The following MYO1E variants were observed in gnomAD, a reference collection of about 807,000 sequenced individuals.
MYO1E encodes the protein unconventional myosin-Ie.
In MYO1E, 68 loss-of-function variants were observed where a neutral mutation model predicts 151.1. The observed-to-expected ratio is 0.45, with a 90% CI of 0.37 to 0.55. The LOEUF (loss-of-function observed/expected upper bound fraction) is 0.55. MYO1E is among the 20% of genes least tolerant of loss of function. The probability of loss-of-function intolerance (pLI) is 0.00; values close to 1 mark genes in which losing one functional copy is unlikely to be tolerated. For synonymous variants in MYO1E, 601 were observed against 501.7 expected, an observed-to-expected ratio of 1.20 and a Z score of -2.64; for missense variants, 1,363 against 1,389.3, an observed-to-expected ratio of 0.98 and a Z score of 0.30.
rs773515167 is a variant in MYO1E, at chr15:59,223,144, C to T, written c.825G>A (p.Val275=). The change falls in exon 9 of 28, where the codon GTG becomes GTA. Residue 275 remains valine (V), a synonymous_variant. Coordinates refer to ENST00000288235, the MANE Select transcript of MYO1E (RefSeq NM_004998.4). ...GGAGAATACCCGCCACTATCTGCAACACCAGCGTTTGCTCTTCTGCAAAGA... is the reference window on the plus strand; with the variant it reads ...GGAGAATACCCGCCACTATCTGCAATACCAGCGTTTGCTCTTCTGCAAAGA... ...IGIFAEEQTL[V]LQIVAGILHL... The T allele has an allele frequency of 8.1e-6, 13 of 1,614,084 alleles. No individual in the cohort carries two copies. In the Admixed American group the frequency reaches 1.5e-4, roughly 19 times the overall value.
At chr15:59,181,580 A>T (rs2140321726) in intron 18 of MYO1E, among the ~76,000 whole-genome samples, 1 of 152,358 alleles carries the variant, frequency 6.6e-6, no homozygotes, top group East Asian at 1.9e-4. Context: ...TGGGGGAATT[A>T]AGGCATCTTT....
intron 26 of MYO1E, among the ~76,000 whole-genome samples, chr15:59,153,245 C>G (rs2079491866): frequency 6.6e-6 from 1 of 152,176 alleles, no homozygotes; most frequent in Admixed American, 6.5e-5. Context: ...TATGCAACTG[C>G]AGGCACAGAC....
At chr15:59,172,176 G>A (rs1160094993) in intron 21 of MYO1E, 134 bp from the exon 22 acceptor site, 17 of 965,636 alleles carry the variant, frequency 1.8e-5, no homozygotes, top group Non-Finnish European at 2.5e-5. Context: ...GACCAACATG[G>A]TGAAACCCCG....
intron 4 of MYO1E, among the ~76,000 whole-genome samples, chr15:59,253,037 C>T (rs572247664): frequency 6.6e-6 from 1 of 152,206 alleles, no homozygotes; most frequent in South Asian, 2.1e-4. Flanking sequence ...GACATAAGAG[C>T]TAAGAAAAAA....
chr15:59,332,800 TG>T (rs2140423942), intron 1 of MYO1E, among the ~76,000 whole-genome samples: 1 of 152,136 alleles, frequency 6.6e-6, no homozygotes, highest in East Asian at 1.9e-4. Context: ...AAAGCTCAAG[TG>T]ATCCTCCCAC....
intron 14 of MYO1E, chr15:59,206,726 G>C (rs1413152974): frequency 1.8e-6 from 1 of 553,138 alleles, no homozygotes; most frequent in African/African-American, 1.9e-5. Context: ...ACTTGCTAGA[G>C]AAGCAGCCCT....
chr15:59,215,190 T>C (rs1486251922), intron 10 of MYO1E, among the ~76,000 whole-genome samples: 1 of 152,124 alleles, frequency 6.6e-6, no homozygotes, highest in African/African-American at 2.4e-5. Context: ...CCTAGGCGCT[T>C]ATAGAGAGGG....
chr15:59,215,982 GT>G (rs1421660559), intron 10 of MYO1E, among the ~76,000 whole-genome samples: 1 of 152,134 alleles, frequency 6.6e-6, no homozygotes, highest in African/African-American at 2.4e-5. Flanking sequence ...CATGACTTCT[GT>G]TTAGTATGAC....
chr15:59,249,211 C>T (rs1197585717), intron 4 of MYO1E, among the ~76,000 whole-genome samples: 1 of 152,082 alleles, frequency 6.6e-6, no homozygotes, highest in East Asian at 1.9e-4. Flanking sequence ...ATCACGAGAT[C>T]AAGAGATCAA....
chr15:59,250,722 G>A (rs905546851), intron 4 of MYO1E, among the ~76,000 whole-genome samples: 8 of 152,136 alleles, frequency 5.3e-5, no homozygotes, highest in East Asian at 1.9e-4. Context: ...GTCTACCGAG[G>A]AGGCCTGTGT....
In MYO1E at chr15:59,178,641, G is replaced by C. The variant is rs181584692; in HGVS notation, c.1905-104C>G. ...CTCTGCTCTGAAGGTGCCCAGTGCT[G>C]CAAAGTTACTGATCATCTGTTTACC... On this transcript the variant is annotated intron_variant, in intron 18 of 27. Transcript: ENST00000288235. 1.4e-5 allele frequency: 20 copies of C among 1,410,566 alleles called. No homozygotes were observed. The Middle Eastern group carries it at 6.1e-4, about 43-fold the overall frequency. The allele number at this position is 1,410,566 out of a possible 1,614,324, so 87.4% of individuals were successfully genotyped here.
chr15:59,284,188 G>T (rs1419640753), intron 1 of MYO1E, among the ~76,000 whole-genome samples: 1 of 152,226 alleles, frequency 6.6e-6, no homozygotes, highest in Admixed American at 6.5e-5. Flanking sequence ...TAAATTCCAG[G>T]CTACACTGAC....
intron 26 of MYO1E, among the ~76,000 whole-genome samples, chr15:59,151,917 A>ACAC: frequency 7.1e-6 from 1 of 141,686 alleles, no homozygotes; most frequent in African/African-American, 2.9e-5. Flanking sequence ...CACACACACA[A>ACAC]ATTAGCCGGG....
Position 59,175,046 on chromosome 15 carries a change from CCA to C in MYO1E, c.2050-808_2050-807del, listed in dbSNP as rs550728037. 2.3e-3 allele frequency among the ~76,000 whole-genome samples: 346 copies of C among 152,274 alleles called. 4 individuals are homozygous for C. The highest frequency in any genetic ancestry group is 5.6e-3 in the African/African-American group (233 of 41,566). On this transcript the variant is annotated intron_variant, in intron 19 of 27. Coordinates refer to ENST00000288235, the MANE Select transcript of MYO1E (RefSeq NM_004998.4). ...GGGCAGAAGTCACCCTAGATGATTT[CCA>C]CACAGTTTCATTCAACGCCTCCACA... is the stretch of plus-strand genomic sequence containing the variant.
At chr15:59,169,069 G>A (rs1365673249) in intron 22 of MYO1E, among the ~76,000 whole-genome samples, 2 of 152,148 alleles carry the variant, frequency 1.3e-5, no homozygotes, top group African/African-American at 4.8e-5. Flanking sequence ...ATGTTGTCTT[G>A]TAACTGTTAC....
Position 59,352,995 on chromosome 15 carries a change from C to T in MYO1E, c.3+19503G>A, listed in dbSNP as rs143537851. 6.6e-3 allele frequency among the ~76,000 whole-genome samples: 1,012 copies of T among 152,280 alleles called. 9 individuals carry two copies. The highest frequency in any genetic ancestry group is 0.024 in the Middle Eastern group (7 of 294). On this transcript the variant is annotated intron_variant, in intron 1 of 27. Transcript: ENST00000288235. The stretch of plus-strand genomic sequence containing the variant: ...ATTTCCTAGCTCTAAATTTCCCAAA[C>T]TCCGGTTTGCAGGGAAAGGAAGCAT...
At chr15:59,203,944 T>C (rs2140335193) in intron 15 of MYO1E, among the ~76,000 whole-genome samples, 1 of 152,340 alleles carries the variant, frequency 6.6e-6, no homozygotes, top group African/African-American at 2.4e-5. Flanking sequence ...TCCCCAGCAG[T>C]CTACTTTTAA....
chr15:59,141,836 C>T (rs1365361522), intron 26 of MYO1E, among the ~76,000 whole-genome samples: 2 of 148,162 alleles, frequency 1.3e-5, no homozygotes, highest in Admixed American at 6.8e-5. Context: ...TGCAGTGGCT[C>T]ACGCCTGTAA....
rs2079965244 is a variant in MYO1E at position 59,222,967 on chromosome 15, C to G, written c.910+92G>C. ...GATTTATCACTTCTTCCCAATATTC[C>G]CATTTGAGATCTAAGCAAAGGAAAG... On this transcript the variant is annotated intron_variant, in intron 9 of 27. Coordinates refer to ENST00000288235, the MANE Select transcript of MYO1E (RefSeq NM_004998.4). 7.7e-6 allele frequency: 12 copies of G among 1,564,228 alleles called. No individual in the cohort carries two copies. The South Asian group carries it at 1.4e-4, about 18-fold the overall frequency.
Sources: gnomAD v4.1 joint callset for allele counts (sites outside exome capture counted in the v4.1 genomes callset) on GRCh38, gnomAD v4.1.1 for gene constraint, MANE v1.5 for transcripts, NCBI Gene and HGNC (gene_info 2026-07-23, HGNC 2026-07-21) for gene names.